Variants in IGF2R observed in about 807,000 individuals in gnomAD.
IGF2R encodes the protein cation-independent mannose-6-phosphate receptor.
IGF2R carries 91 observed loss-of-function variants against 270.6 expected under a neutral mutation model. The observed-to-expected ratio is 0.34, with a 90% confidence interval of 0.28 to 0.40. The LOEUF is 0.40. Ranked by LOEUF, IGF2R falls within the 10% of genes least tolerant of loss-of-function variation. The probability of loss-of-function intolerance (pLI) is 1.00; values close to 1 mark genes in which losing one functional copy is unlikely to be tolerated. For synonymous variants in IGF2R, 1,316 were observed against 1,258.9 expected, an observed-to-expected ratio of 1.05 and a Z score of -0.96; for missense variants, 2,805 against 3,188.3, an observed-to-expected ratio of 0.88 and a Z score of 2.90.
Position 160,105,726 on chromosome 6 carries a change from A to G in IGF2R, c.*642A>G, listed in dbSNP as rs1229128396. 6.5e-6 allele frequency: 1 copy of G among 152,694 alleles called. No individual in the cohort carries two copies. Among genetic ancestry groups the G allele is most frequent in the Non-Finnish European group, 1.5e-5 (1 of 68,138 alleles). The allele number at this position is 152,694 out of a possible 1,614,324, so 9.5% of individuals were successfully genotyped here. A position where few individuals can be genotyped will look rare whatever the true frequency, so the allele number is the denominator to read the frequency against. Reference sequence around the variant, plus strand: ...CGTGCGTGCGAGCACACACACACATACGTGCACAGGGTCCCCGAGTGCCTA... The same window carrying G: ...CGTGCGTGCGAGCACACACACACATGCGTGCACAGGGTCCCCGAGTGCCTA... On this transcript the variant is annotated 3_prime_UTR_variant, in exon 48 of 48. Coordinates refer to ENST00000356956, the MANE Select transcript of IGF2R (RefSeq NM_000876.4).
At chr6:160,059,482 A>G (rs937479224) in intron 22 of IGF2R, among the ~76,000 whole-genome samples, 2 of 152,202 alleles carry the variant, frequency 1.3e-5, no homozygotes, top group Non-Finnish European at 2.9e-5. Context: ...GAAACAGCAT[A>G]GTATATATAG....
chr6:160,035,689 C>G (rs1469935304), intron 10 of IGF2R, among the ~76,000 whole-genome samples: 1 of 152,222 alleles, frequency 6.6e-6, no homozygotes, highest in Non-Finnish European at 1.5e-5. Context: ...TGCTTAGGCC[C>G]TATGAGGCTG....
Position 160,068,341 on chromosome 6 carries a change from A to G in IGF2R, c.4208A>G (p.Tyr1403Cys). The G allele has an allele frequency of 6.2e-7, 1 of 1,614,212 alleles. No homozygotes were observed. Among genetic ancestry groups the G allele is most frequent in the Non-Finnish European group, 8.5e-7 (1 of 1,180,038 alleles). The change falls in exon 30 of 48, where the codon TAC becomes TGC. Residue 1403 changes from tyrosine to cysteine, a missense_variant. Around this residue, in one of 2 missense-constraint regions of IGF2R, gnomAD observed 1,851 missense variants for 2,207.2 expected, o/e 0.84. Coordinates refer to ENST00000356956, the MANE Select transcript of IGF2R (RefSeq NM_000876.4). ...ACTGGGACGGGGGACCCGGAGCACTACCTCATCAATGTCTGCAAGTCTCTG... is the reference window on the plus strand; with the variant it reads ...ACTGGGACGGGGGACCCGGAGCACTGCCTCATCAATGTCTGCAAGTCTCTG... ...AITGTGDPEH[Y>C]LINVCKSLAP... is the part of the protein sequence containing the mutation.
intron 19 of IGF2R, among the ~76,000 whole-genome samples, chr6:160,053,854 G>A (rs1219291092): frequency 6.6e-6 from 1 of 152,160 alleles, no homozygotes; most frequent in Non-Finnish European, 1.5e-5. Context: ...TGGAACTACA[G>A]GTGGAGTTAC....
intron 4 of IGF2R, among the ~76,000 whole-genome samples, chr6:160,023,023 G>A (rs1777472624): frequency 6.6e-6 from 1 of 152,184 alleles, no homozygotes; most frequent in Admixed American, 6.5e-5. Context: ...CCTTCTCAGT[G>A]TAATGGGAAG....
Position 160,054,457 on chromosome 6 carries a change from G to A in IGF2R, c.2695-1967G>A, listed in dbSNP as rs371319399. On this transcript the variant is annotated intron_variant, in intron 19 of 47. Transcript: ENST00000356956. ...TTGTGGTCTCTTATCAGCAGGGAAT[G>A]CTGGTCGATTGTTGTGTTGTCAGAA... Among the ~76,000 whole-genome samples, 18 of 152,318 alleles carry A rather than the reference G, an allele frequency of 1.2e-4. 2 individuals are homozygous for A. Among genetic ancestry groups the A allele is most frequent in the African/African-American group, 3.9e-4 (16 of 41,558 alleles).
Position 160,088,047 on chromosome 6 carries a change from G to A in IGF2R, c.6220G>A (p.Val2074Ile), listed in dbSNP as rs1779132828. 1.2e-6 allele frequency: 2 copies of A among 1,609,190 alleles called. No individual in the cohort carries two copies. Among genetic ancestry groups the A allele is most frequent in the African/African-American group, 2.7e-5 (2 of 74,820 alleles). ...GTGTGTTTCAGGTGACAAAGTTGTT[G>A]TCACGTACTCCAAAGGTTATCCGTG... The part of the protein sequence containing the change: ...KLGVIGDKVV[V>I]TYSKGYPCGG... The change falls in exon 42 of 48, where the codon GTC (valine) becomes ATC (isoleucine). Residue 2074 changes from valine to isoleucine, a missense_variant. Physicochemically the swap from Val to Ile is conservative, Grantham distance 29. This residue lies in a region of IGF2R where 1,851 missense variants were observed against 2,207.2 expected (regional missense o/e 0.84). Coordinates refer to ENST00000356956, the MANE Select transcript of IGF2R (RefSeq NM_000876.4).
At chr6:159,976,498 A>G (rs1262091445) in intron 1 of IGF2R, among the ~76,000 whole-genome samples, 2 of 152,044 alleles carry the variant, frequency 1.3e-5, no homozygotes, top group Non-Finnish European at 2.9e-5. Flanking sequence ...TAATTTATCC[A>G]CTCAGTAACT....
At position 160,104,708 on chromosome 6, in the gene IGF2R, C is replaced by T. The variant is rs1285823327; in HGVS notation, c.7100C>T (p.Thr2367Ile). Reference protein sequence around the residue: ...NKEEETDENETEWLMEEIQLP... With the variant: ...NKEEETDENEIEWLMEEIQLP... ...GAAGAAGAGACAGATGAGAATGAAA[C>T]AGAGTGGCTGATGGAAGAGATCCAG... Residue 2367 changes from threonine to isoleucine, a missense_variant, in exon 48 of 48, where the codon ACA (threonine) becomes ATA (isoleucine). Physicochemically the swap from Thr to Ile is moderately conservative, Grantham distance 89. Coordinates refer to ENST00000356956, the MANE Select transcript of IGF2R (RefSeq NM_000876.4). 1.2e-6 allele frequency: 2 copies of T among 1,613,870 alleles called. No homozygotes were observed. Among genetic ancestry groups the T allele is most frequent in the South Asian group, 2.2e-5 (2 of 91,048 alleles).
At chr6:160,022,926 G>A (rs912742773) in intron 4 of IGF2R, among the ~76,000 whole-genome samples, 1 of 152,186 alleles carries the variant, frequency 6.6e-6, no homozygotes, top group African/African-American at 2.4e-5. Context: ...AGTTTCAGGA[G>A]GGTAGAATTG....
intron 9 of IGF2R, 29 bp from the exon 10 acceptor site, chr6:160,034,390 C>A: frequency 7.0e-7 from 1 of 1,426,140 alleles, no homozygotes; most frequent in Non-Finnish European, 9.9e-7. Flanking sequence ...CTCCCAAACA[C>A]ATTTGTCTGT....
chr6:160,067,561 CT>C (rs2115268768), intron 29 of IGF2R, among the ~76,000 whole-genome samples: 1 of 152,300 alleles, frequency 6.6e-6, no homozygotes, highest in Admixed American at 6.5e-5. Flanking sequence ...TAGCACACAG[CT>C]TTTGAATGAA....
At position 159,998,405 on chromosome 6, in the gene IGF2R, A is replaced by G. The variant is rs1050185123; in HGVS notation, c.289+7082A>G. Among the ~76,000 whole-genome samples, 14 of 152,182 alleles carry G rather than the reference A, an allele frequency of 9.2e-5. No homozygotes were observed. Among genetic ancestry groups the G allele is most frequent in the Non-Finnish European group, 2.1e-4 (14 of 68,026 alleles). On this transcript the variant is annotated intron_variant, in intron 2 of 47. Coordinates refer to ENST00000356956, the MANE Select transcript of IGF2R (RefSeq NM_000876.4). This position sits in a 1 kb window ranked among gnomAD's most constrained non-coding sequence, Gnocchi z 4.1. ...TTTGACCAAGTTCTGTGGACCTTGA[A>G]AGCCAGGGAGGAGAAGAGTTGTTAT...
At chr6:160,087,111 G>A (rs935011199) in intron 41 of IGF2R, among the ~76,000 whole-genome samples, 3 of 152,184 alleles carry the variant, frequency 2.0e-5, no homozygotes, top group East Asian at 1.9e-4. Flanking sequence ...CAGACCCTGC[G>A]GGTTCGAGGG....
At chr6:159,991,100 C>A in intron 1 of IGF2R, 84 bp from the exon 2 acceptor site, 2 of 1,321,604 alleles carry the variant, frequency 1.5e-6, no homozygotes, top group Non-Finnish European at 2.1e-6. Flanking sequence ...CAGTTTTAAG[C>A]AAATGTGGCT....
intron 1 of IGF2R, among the ~76,000 whole-genome samples, chr6:159,973,228 C>G (rs1206885213): frequency 3.3e-5 from 5 of 152,088 alleles, no homozygotes; most frequent in Non-Finnish European, 7.3e-5. Context: ...TTGTCAGTGG[C>G]TTTACTTATT....
intron 4 of IGF2R, among the ~76,000 whole-genome samples, chr6:160,016,267 C>T (rs549299825): frequency 5.3e-5 from 8 of 152,136 alleles, no homozygotes; most frequent in South Asian, 2.1e-4. Flanking sequence ...GTGGTAGAGG[C>T]GCCTCTGTCC....
chr6:160,074,074 T>C (rs76300746), intron 35 of IGF2R, 99 bp downstream of exon 35: 10 of 808,812 alleles, frequency 1.2e-5, no homozygotes, highest in African/African-American at 1.0e-4. Context: ...TGCTCAAGCA[T>C]AAAAAAAATG....
intron 2 of IGF2R, among the ~76,000 whole-genome samples, chr6:160,002,606 T>A (rs965870956): frequency 2.0e-5 from 3 of 152,214 alleles, no homozygotes; most frequent in Non-Finnish European, 4.4e-5. Flanking sequence ...ACCTTTGCAG[T>A]TCAACTGCAT....
Sources: gnomAD v4.1 joint callset for allele counts (sites outside exome capture counted in the v4.1 genomes callset) on GRCh38, gnomAD v4.1.1 for gene constraint, gnomAD v4.1.1 regional missense constraint, Gnocchi (gnomAD v3.1) non-coding constraint, MANE v1.5 for transcripts, NCBI Gene and HGNC (gene_info 2026-07-23, HGNC 2026-07-21) for gene names.